APOOL: variants seen among roughly 807,000 people sequenced by gnomAD.
APOOL encodes the protein MICOS complex subunit MIC27.
APOOL carries 12 observed loss-of-function variants against 23.1 expected under a neutral mutation model. The observed-to-expected ratio is 0.52, with a 90% CI of 0.33 to 0.84. The LOEUF (loss-of-function observed/expected upper bound fraction) is 0.84. APOOL is among the 40% of genes least tolerant of loss of function. The pLI, the probability that APOOL is intolerant of heterozygous loss-of-function variation, is 0.02. For missense variants in APOOL, 212 were observed against 199.6 expected (o/e 1.06, Z -0.37); for synonymous variants, 77 against 69.9 (o/e 1.10, Z -0.51).
chrX:85,080,503 A>G lies in APOOL; in HGVS notation c.718+6112A>G, dbSNP rs776794305. ...TTTTACATTTGCTGAGGAGTGCTTT[A>G]CTTCCAACTCTGTGGTCAATTTTGG... On this transcript the variant is annotated intron_variant, in intron 8 of 8. Transcript: ENST00000373173. 5.4e-5 allele frequency: 6 copies of G among 111,794 alleles called. No homozygotes were observed. In the South Asian group the frequency reaches 2.3e-3, roughly 43 times the overall value. 9.2% of individuals were successfully genotyped at this position (111,794 alleles called of 1,213,427 possible). A position where few individuals can be genotyped will look rare whatever the true frequency, so the allele number is the denominator to read the frequency against.
chrX:85,058,968 C>G (rs1256530167), intron 5 of APOOL, among the ~76,000 whole-genome samples: 3 of 108,475 alleles, frequency 2.8e-5, no homozygotes, highest in African/African-American at 1.0e-4. Context: ...TGTTGGTGTG[C>G]TGCACCCATT....
rs1358591353 is a variant in APOOL at position 85,092,372 on chromosome X, A to G, written c.*4694A>G. On this transcript the variant is annotated 3_prime_UTR_variant, in exon 9 of 9. Coordinates refer to ENST00000373173, the MANE Select transcript of APOOL (RefSeq NM_198450.6). ...AAATGTTGGAGGCTGTGTTGGGATGAGTTGTTACAAAGCCTCTTTCATTCT... is the reference window on the plus strand; with the variant it reads ...AAATGTTGGAGGCTGTGTTGGGATGGGTTGTTACAAAGCCTCTTTCATTCT... 1 of 1,155,757 alleles carries G rather than the reference A, an allele frequency of 8.7e-7. No individual in the cohort carries two copies. Among genetic ancestry groups the G allele is most frequent in the Non-Finnish European group, 1.2e-6 (1 of 867,942 alleles).
At chrX:85,006,020 A>G (rs957337856) in intron 1 of APOOL, among the ~76,000 whole-genome samples, 1 of 112,458 alleles carries the variant, frequency 8.9e-6, no homozygotes, top group African/African-American at 3.2e-5. Context: ...GCACTATGCT[A>G]AAACACGTTA....
chrX:85,054,486 A>G, intron 4 of APOOL, 88 bp downstream of exon 4: 1 of 768,833 alleles, frequency 1.3e-6, no homozygotes, highest in Admixed American at 3.5e-5. Context: ...TATGTTACCC[A>G]TTATCATGCA....
chrX:85,063,372 T>A (rs905093724), intron 5 of APOOL, among the ~76,000 whole-genome samples: 1 of 111,425 alleles, frequency 9.0e-6, no homozygotes. Flanking sequence ...TCTTGCCTAA[T>A]TGCCCTGGCA....
chrX:85,026,531 A>G (rs1369333454), intron 1 of APOOL, among the ~76,000 whole-genome samples: 1 of 112,959 alleles, frequency 8.9e-6, no homozygotes, highest in African/African-American at 3.2e-5. Context: ...TCAAGCTTTT[A>G]TGCTCTGCCT....
chrX:85,078,247 A>T lies in APOOL; in HGVS notation c.718+3856A>T, dbSNP rs779598561. ...AGTCTAACATTTAAGTCTTTAATCC[A>T]TCTTGAATTAATTTTTGTATAAGGT... On this transcript the variant is annotated intron_variant, in intron 8 of 8. Coordinates refer to ENST00000373173, the MANE Select transcript of APOOL (RefSeq NM_198450.6). 4.1e-3 allele frequency among the ~76,000 whole-genome samples: 459 copies of T among 112,068 alleles called. 1 individual carries two copies. The highest frequency in any genetic ancestry group is 0.014 in the Middle Eastern group (3 of 218).
chrX:85,085,631 G>T (rs1051901317), intron 8 of APOOL, among the ~76,000 whole-genome samples: 17 of 111,904 alleles, frequency 1.5e-4, no homozygotes, highest in African/African-American at 5.5e-4. Flanking sequence ...TGCAGAAAAG[G>T]TATGGTTCCC....
At chrX:85,086,306 T>G (rs1346510900) in intron 8 of APOOL, among the ~76,000 whole-genome samples, 3 of 111,785 alleles carry the variant, frequency 2.7e-5, no homozygotes, top group African/African-American at 9.8e-5. Flanking sequence ...CTCCTAACCC[T>G]CTTAACATCT....
chrX:85,063,103 A>G (rs1221429453), intron 5 of APOOL, among the ~76,000 whole-genome samples: 1 of 110,788 alleles, frequency 9.0e-6, no homozygotes, highest in Non-Finnish European at 1.9e-5. Context: ...ATTCCTAGGT[A>G]TTTTATTCTT....
intron 8 of APOOL, among the ~76,000 whole-genome samples, chrX:85,074,725 G>A (rs1923784207): frequency 9.1e-6 from 1 of 110,335 alleles, no homozygotes; most frequent in African/African-American, 3.3e-5. Flanking sequence ...AAAGGGATGA[G>A]TCACACCTAC....
At position 85,092,458 on chromosome X, in the gene APOOL, G is replaced by A; in HGVS notation, c.*4780G>A. 1 of 1,202,155 alleles carries A rather than the reference G, an allele frequency of 8.3e-7. No individual in the cohort carries two copies. The highest frequency in any genetic ancestry group is 2.2e-5 in the Admixed American group (1 of 45,058). On this transcript the variant is annotated 3_prime_UTR_variant, in exon 9 of 9. Coordinates refer to ENST00000373173, the MANE Select transcript of APOOL (RefSeq NM_198450.6). ...CCTGAAGAGATGCCAGCCCTCCTCA[G>A]AGGAAAGGTCTAAAGCCCCTCGACT...
At chrX:85,035,910 G>A (rs1348041904) in intron 1 of APOOL, among the ~76,000 whole-genome samples, 5 of 112,069 alleles carry the variant, frequency 4.5e-5, no homozygotes, top group Admixed American at 9.5e-5. Flanking sequence ...GTCAGGAAGT[G>A]TGATGACACC....
chrX:85,022,635 A>C (rs1267820526), intron 1 of APOOL, among the ~76,000 whole-genome samples: 1 of 43,865 alleles, frequency 2.3e-5, no homozygotes. Context: ...ATCATACTCA[A>C]TGGTGAAAAG....
intron 1 of APOOL, among the ~76,000 whole-genome samples, chrX:85,025,036 G>A (rs1338462076): frequency 8.9e-6 from 1 of 111,976 alleles, no homozygotes; most frequent in Non-Finnish European, 1.9e-5. Context: ...ATTGGCTCAC[G>A]ATTGTTTAGG....
intron 1 of APOOL, among the ~76,000 whole-genome samples, chrX:85,035,397 A>C (rs993614140): frequency 2.8e-4 from 31 of 110,551 alleles, no homozygotes; most frequent in African/African-American, 9.2e-4. Context: ...ATTTCCTCAT[A>C]TTCAGTAAGT....
intron 2 of APOOL, among the ~76,000 whole-genome samples, chrX:85,047,461 T>C (rs772464205): frequency 3.6e-5 from 4 of 111,770 alleles, no homozygotes; most frequent in Non-Finnish European, 7.5e-5. Context: ...CTAGATGTTA[T>C]ATTTCTATTA....
chrX:85,028,847 T>G (rs1165430246), intron 1 of APOOL, among the ~76,000 whole-genome samples: 1 of 111,615 alleles, frequency 9.0e-6, no homozygotes, highest in African/African-American at 3.3e-5. Flanking sequence ...AGTTTCATCC[T>G]TGTTGAAAAT....
chrX:85,076,208 CAT>C (rs1923829984), intron 8 of APOOL, among the ~76,000 whole-genome samples: 1 of 111,362 alleles, frequency 9.0e-6, no homozygotes, highest in African/African-American at 3.3e-5. Context: ...AGGGTCTCAA[CAT>C]GTGAATTTTG....
Sources: allele counts gnomAD v4.1 joint callset (sites outside exome capture counted in the v4.1 genomes callset), GRCh38; gene constraint gnomAD v4.1.1; transcripts MANE v1.5; gene names NCBI Gene and HGNC (gene_info 2026-07-23, HGNC 2026-07-21).